KDM4B: variants seen among roughly 807,000 people sequenced by gnomAD.
KDM4B encodes lysine demethylase 4B, also known as lysine-specific demethylase 4B.
KDM4B carries 32 observed loss-of-function variants against 125.2 expected under a neutral mutation model. The observed-to-expected ratio is 0.26, with a 90% CI of 0.19 to 0.34. The LOEUF (loss-of-function observed/expected upper bound fraction) is 0.34, where lower values mean the gene tolerates loss of function less well. KDM4B is among the 10% of genes least tolerant of loss of function. KDM4B has a pLI of 1.00. For synonymous variants in KDM4B, 721 were observed against 677.9 expected, an observed-to-expected ratio of 1.06 and a Z score of -0.99; for missense variants, 1,190 against 1,577.7, an observed-to-expected ratio of 0.75 and a Z score of 4.16.
At position 5,110,726 on chromosome 19, in the gene KDM4B, G is replaced by A. The variant is rs2039125029; in HGVS notation, c.1023G>A (p.Val341=). The part of the protein sequence containing the change: ...ELWKQGKDLT[V]LDHTRPTALT... ...GGAAGCAGGGCAAGGACCTCACGGTGCTGGACCACACGCGGCCCACGGCGC... is the reference window on the plus strand; with the variant it reads ...GGAAGCAGGGCAAGGACCTCACGGTACTGGACCACACGCGGCCCACGGCGC... Residue 341 remains valine, a synonymous_variant, in exon 10 of 23, where the codon GTG becomes GTA. Transcript: ENST00000159111. The A allele has an allele frequency of 1.9e-6, 3 of 1,612,742 alleles. No homozygotes were observed. The highest frequency in any genetic ancestry group is 2.5e-6 in the Non-Finnish European group (3 of 1,179,820).
intron 11 of KDM4B, among the ~76,000 whole-genome samples, chr19:5,122,858 G>T (rs1483206713): frequency 6.6e-6 from 1 of 152,260 alleles, no homozygotes; most frequent in Non-Finnish European, 1.5e-5. Context: ...CACCCACCGT[G>T]CCCAGCCCTG....
intron 6 of KDM4B, among the ~76,000 whole-genome samples, chr19:5,051,404 C>A (rs563893588): frequency 6.6e-6 from 1 of 152,274 alleles, no homozygotes; most frequent in Non-Finnish European, 1.5e-5. Context: ...CCATCAGACA[C>A]CCTGCAGGGC....
intron 6 of KDM4B, among the ~76,000 whole-genome samples, chr19:5,050,979 A>T (rs1319839701): frequency 6.6e-6 from 1 of 152,194 alleles, no homozygotes; most frequent in African/African-American, 2.4e-5. Context: ...TGACCCTCCA[A>T]GGCCGGTCCT....
At chr19:5,049,294 C>G (rs554739292) in intron 6 of KDM4B, among the ~76,000 whole-genome samples, 1 of 152,228 alleles carries the variant, frequency 6.6e-6, no homozygotes, top group African/African-American at 2.4e-5. Context: ...CTCACTGCAC[C>G]CCTCCTCTGC....
chr19:4,982,417 G>A lies in KDM4B; in HGVS notation c.-109+13187G>A, dbSNP rs1047365893. 2.8e-4 allele frequency among the ~76,000 whole-genome samples: 35 copies of A among 126,008 alleles called. No individual in the cohort carries two copies. In the East Asian group the frequency reaches 2.9e-3, roughly 10 times the overall value. The allele number at this position is 126,008 out of a possible 152,430, so 82.7% of individuals were successfully genotyped here. On this transcript the variant is annotated intron_variant, in intron 1 of 22. Transcript: ENST00000159111. ...CAGTGAGCCAAGATCGCACCACTGC[G>A]CTCCAGCCTGGGTGACAAGAGCAAG...
At chr19:5,099,039 C>T (rs1430595347) in intron 9 of KDM4B, among the ~76,000 whole-genome samples, 2 of 152,228 alleles carry the variant, frequency 1.3e-5, no homozygotes, top group Admixed American at 1.3e-4. Flanking sequence ...GCTTTCTTTC[C>T]TTTTGGCAGA....
chr19:5,032,463 C>T (rs566276850), intron 2 of KDM4B, among the ~76,000 whole-genome samples: 6 of 152,324 alleles, frequency 3.9e-5, no homozygotes, highest in Admixed American at 6.5e-5. Context: ...CCCTCACCTT[C>T]GAAAACCCGC....
At chr19:5,004,389 G>A (rs2035490625) in intron 1 of KDM4B, among the ~76,000 whole-genome samples, 1 of 152,110 alleles carries the variant, frequency 6.6e-6, no homozygotes. Flanking sequence ...TTCTCACCGC[G>A]CATCCCGCCA....
At position 5,151,590 on chromosome 19, in the gene KDM4B, C is replaced by G. The variant is rs1289604010; in HGVS notation, c.*79C>G. 1 of 1,212,828 alleles carries G rather than the reference C, an allele frequency of 8.2e-7. No homozygotes were observed. The highest frequency in any genetic ancestry group is 1.0e-6 in the Non-Finnish European group (1 of 954,578). The allele number at this position is 1,212,828 out of a possible 1,614,324, so 75.1% of individuals were successfully genotyped here. A position where few individuals can be genotyped will look rare whatever the true frequency, so the allele number is the denominator to read the frequency against. ...CCGGGCGTTCGCTTGCTGTGAATTC[C>G]TGTCCTCGTGTCCCCGACCCCCGAG... is the stretch of plus-strand genomic sequence containing the variant. On this transcript the variant is annotated 3_prime_UTR_variant, in exon 23 of 23. Transcript: ENST00000159111.
intron 1 of KDM4B, among the ~76,000 whole-genome samples, chr19:4,995,838 C>T (rs887969827): frequency 6.6e-6 from 1 of 152,156 alleles, no homozygotes; most frequent in African/African-American, 2.4e-5. Flanking sequence ...CATCCTGCGA[C>T]CCTGAAATGG....
chr19:5,052,330 C>T (rs2037254039), intron 6 of KDM4B, among the ~76,000 whole-genome samples: 2 of 130,790 alleles, frequency 1.5e-5, no homozygotes, highest in South Asian at 2.3e-4. Flanking sequence ...ATGTGTGCAC[C>T]GAGGAACCGT....
chr19:5,073,200 C>T (rs2038001837), intron 7 of KDM4B, among the ~76,000 whole-genome samples: 1 of 152,252 alleles, frequency 6.6e-6, no homozygotes, highest in Non-Finnish European at 1.5e-5. Flanking sequence ...TTCCATTTTT[C>T]AGCCAGCCAC....
At chr19:5,075,547 G>A (rs1335012016) in intron 7 of KDM4B, 1 of 152,172 alleles carries the variant, frequency 6.6e-6, no homozygotes, top group East Asian at 1.9e-4. Flanking sequence ...GGCCTCAAGA[G>A]ATCCATCTAC....
intron 21 of KDM4B, among the ~76,000 whole-genome samples, chr19:5,145,706 C>T (rs977382202): frequency 2.0e-5 from 3 of 152,184 alleles, no homozygotes; most frequent in Non-Finnish European, 4.4e-5. Flanking sequence ...CCCTTGAGCT[C>T]CCCTGGCTCG....
chr19:5,060,469 C>CCATGA (rs1255424752), intron 6 of KDM4B, among the ~76,000 whole-genome samples: 2 of 106,550 alleles, frequency 1.9e-5, no homozygotes, highest in Non-Finnish European at 4.1e-5. Context: ...AAAAAGGGAG[C>CCATGA]CATGATTGTT....
chr19:4,980,333 C>T (rs1250459035), intron 1 of KDM4B, among the ~76,000 whole-genome samples: 1 of 151,828 alleles, frequency 6.6e-6, no homozygotes, highest in Non-Finnish European at 1.5e-5. Flanking sequence ...CACTGTGTGG[C>T]CTGTTGTGTC....
chr19:5,042,663 A>T (rs1404781577), intron 5 of KDM4B, among the ~76,000 whole-genome samples: 1 of 151,478 alleles, frequency 6.6e-6, no homozygotes, highest in Non-Finnish European at 1.5e-5. Flanking sequence ...GATCCATCTT[A>T]CACAGCAGGA....
At chr19:5,004,211 G>A (rs2035483815) in intron 1 of KDM4B, among the ~76,000 whole-genome samples, 1 of 152,100 alleles carries the variant, frequency 6.6e-6, no homozygotes, top group African/African-American at 2.4e-5. Context: ...TTTTCTTCTG[G>A]GGGAAGGAGA....
At position 5,102,043 on chromosome 19, in the gene KDM4B, G is replaced by A. The variant is rs79712155; in HGVS notation, c.919-8579G>A. On this transcript the variant is annotated intron_variant, in intron 9 of 22. Transcript: ENST00000159111. ...GGGGTCGGGTGCTGCGGCAGTCCTC[G>A]CGCAGACCTCCGTTTTGAGCACCCC... Among the ~76,000 whole-genome samples, 532 of 152,282 alleles carry A rather than the reference G, an allele frequency of 3.5e-3. 6 individuals are homozygous for A. Among genetic ancestry groups the A allele is most frequent in the African/African-American group, 0.012 (510 of 41,562 alleles).
Sources: gnomAD v4.1 joint callset for allele counts (sites outside exome capture counted in the v4.1 genomes callset) on GRCh38, gnomAD v4.1.1 for gene constraint, MANE v1.5 for transcripts, NCBI Gene and HGNC (gene_info 2026-07-23, HGNC 2026-07-21) for gene names.